The following ZPLD1 variants were observed in gnomAD, a reference collection of about 807,000 sequenced individuals.
ZPLD1 encodes the protein zona pellucida like domain containing 1, also known as zona pellucida-like domain-containing protein 1.
ZPLD1 carries 34 observed loss-of-function variants against 47.2 expected under a neutral mutation model. That is an observed-to-expected ratio of 0.72 (90% CI 0.55 to 0.96). ZPLD1 has a LOEUF of 0.96. ZPLD1 is among the 40% of genes least tolerant of loss of function. The probability of loss-of-function intolerance (pLI) is 0.00; values close to 1 mark genes in which losing one functional copy is unlikely to be tolerated. For synonymous variants in ZPLD1, 176 were observed against 186.2 expected, an observed-to-expected ratio of 0.95 and a Z score of 0.45; for missense variants, 512 against 505.8, an observed-to-expected ratio of 1.01 and a Z score of -0.12.
intron 3 of ZPLD1, among the ~76,000 whole-genome samples, chr3:102,438,852 G>A (rs1307819158): frequency 6.6e-6 from 1 of 151,866 alleles, no homozygotes; most frequent in African/African-American, 2.4e-5. Flanking sequence ...TAAAAAATTG[G>A]GAGAGACTAA....
chr3:102,457,628 T>C (rs1168235703), intron 5 of ZPLD1, among the ~76,000 whole-genome samples, 153 bp from the exon 6 acceptor site: 1 of 152,238 alleles, frequency 6.6e-6, no homozygotes, highest in Non-Finnish European at 1.5e-5. Flanking sequence ...TAGTATTTTA[T>C]CTGTTCAGAG....
chr3:102,433,947 GC>G (rs1707049945), upstream of ZPLD1, among the ~76,000 whole-genome samples: 1 of 152,024 alleles, frequency 6.6e-6, no homozygotes, highest in African/African-American at 2.4e-5. Flanking sequence ...CATATCTTAA[GC>G]ATACATTATT....
intron 2 of ZPLD1, among the ~76,000 whole-genome samples, chr3:102,437,193 A>G (rs1337606156): frequency 2.0e-5 from 3 of 152,218 alleles, no homozygotes; most frequent in Non-Finnish European, 4.4e-5. Context: ...AACTAGGCAT[A>G]TGGCTGTTCT....
At position 102,438,607 on chromosome 3, in the gene ZPLD1, T is replaced by G; in HGVS notation, c.106+14T>G. ...GTAGATTTCCTGGTAAGTGTAAGCCTAATCTATTCTCTAGTTGTTTCTGGA... is the reference window on the plus strand; with the variant it reads ...GTAGATTTCCTGGTAAGTGTAAGCCGAATCTATTCTCTAGTTGTTTCTGGA... On this transcript the variant is annotated intron_variant, in intron 3 of 11. Coordinates refer to ENST00000466937, the MANE Select transcript of ZPLD1 (RefSeq NM_001329788.2). 6.4e-7 allele frequency: 1 copy of G among 1,571,472 alleles called. No individual in the cohort carries two copies. Among genetic ancestry groups the G allele is most frequent in the Non-Finnish European group, 8.7e-7 (1 of 1,142,868 alleles).
intron 4 of ZPLD1, among the ~76,000 whole-genome samples, chr3:102,455,329 G>A (rs973699144): frequency 6.6e-6 from 1 of 152,158 alleles, no homozygotes; most frequent in Admixed American, 6.5e-5. Flanking sequence ...TTCCTAAAGT[G>A]GTGGATCTTA....
At chr3:102,405,490 C>T (rs1034786734) in intron 7 of ZPLD1, among the ~76,000 whole-genome samples, 4 of 151,908 alleles carry the variant, frequency 2.6e-5, no homozygotes, top group Admixed American at 6.6e-5. Context: ...TAACAGAAGG[C>T]TTGAGGTCAT....
Position 102,462,349 on chromosome 3 carries a change from A to C in ZPLD1, c.651A>C (p.Ala217=). The change falls in exon 7 of 12, where the codon GCA becomes GCC. Residue 217 remains alanine, a synonymous_variant. Coordinates refer to ENST00000466937, the MANE Select transcript of ZPLD1 (RefSeq NM_001329788.2). ...TACCTTTGAAAACCAAAGTATTTGC[A>C]GCTGTCCAAGCCACTAATTTGGATG... ...IGLPLKTKVF[A]AVQATNLDGR... The C allele has an allele frequency of 6.2e-7, 1 of 1,611,200 alleles. No individual in the cohort carries two copies. The highest frequency in any genetic ancestry group is 8.5e-7 in the Non-Finnish European group (1 of 1,178,656).
intron 8 of ZPLD1, among the ~76,000 whole-genome samples, chr3:102,426,776 A>G (rs529158798): frequency 2.0e-5 from 3 of 152,326 alleles, no homozygotes; most frequent in Admixed American, 2.0e-4. Context: ...AACTGGCTAA[A>G]ACTTTTGTGG....
At chr3:102,448,628 A>C (rs892716602) in intron 3 of ZPLD1, among the ~76,000 whole-genome samples, 3 of 152,238 alleles carry the variant, frequency 2.0e-5, no homozygotes, top group African/African-American at 7.2e-5. Flanking sequence ...GAAAGCCTTT[A>C]GTTTGTCATC....
chr3:102,421,428 C>T (rs892064179), intron 8 of ZPLD1, among the ~76,000 whole-genome samples: 1 of 151,716 alleles, frequency 6.6e-6, no homozygotes, highest in Non-Finnish European at 1.5e-5. Flanking sequence ...AAAAACTACT[C>T]ATCTTTTAGA....
At chr3:102,423,179 G>C (rs1436919220) in intron 8 of ZPLD1, among the ~76,000 whole-genome samples, 4 of 152,054 alleles carry the variant, frequency 2.6e-5, no homozygotes, top group Admixed American at 1.3e-4. Flanking sequence ...CTGATTAGCT[G>C]ACTCTTTCAG....
In ZPLD1 at chr3:102,445,176, G is replaced by A. The variant is rs74674776; in HGVS notation, c.106+6583G>A. ...TTTACAGAATGAGACAGAGATGGGG[G>A]TAAGAGAAGAGGCTGATCCTGTTCC... On this transcript the variant is annotated intron_variant, in intron 3 of 11. Coordinates refer to ENST00000466937, the MANE Select transcript of ZPLD1 (RefSeq NM_001329788.2). Among the ~76,000 whole-genome samples, 3 of 152,318 alleles carry A rather than the reference G, an allele frequency of 2.0e-5. No homozygotes were observed. The East Asian group carries it at 5.8e-4, about 29-fold the overall frequency.
intron 7 of ZPLD1, among the ~76,000 whole-genome samples, chr3:102,417,504 GCCCC>G (rs1411719586): frequency 6.6e-6 from 1 of 151,780 alleles, no homozygotes; most frequent in Admixed American, 6.6e-5. Flanking sequence ...GTGCTTGGAG[GCCCC>G]TAAACAAAAG....
At position 102,456,177 on chromosome 3, in the gene ZPLD1, T is replaced by C. The variant is rs768746933; in HGVS notation, c.328-16T>C. The C allele has an allele frequency of 2.5e-6, 4 of 1,604,292 alleles. No individual in the cohort carries two copies. Among genetic ancestry groups the C allele is most frequent in the African/African-American group, 1.3e-5 (1 of 74,568 alleles). On this transcript the variant is annotated splice_polypyrimidine_tract_variant and intron_variant, in intron 4 of 11. Transcript: ENST00000466937. ...ATAGCCATTTAATCATTAAACTGCA[T>C]CTAACATTCTAACAGGTATCCACAA...
chr3:102,433,623 G>A (rs969191612), upstream of ZPLD1, among the ~76,000 whole-genome samples: 5 of 152,296 alleles, frequency 3.3e-5, no homozygotes, highest in African/African-American at 1.2e-4. Flanking sequence ...CGCCTCCCGG[G>A]TTCAAGGCAT....
chr3:102,395,589 T>C (rs2107287604), intron 7 of ZPLD1, among the ~76,000 whole-genome samples: 1 of 152,308 alleles, frequency 6.6e-6, no homozygotes, highest in South Asian at 2.1e-4. Flanking sequence ...TTTAGCCCCA[T>C]AAGATCAATT....
At chr3:102,393,686 A>C (rs1193074154) in intron 7 of ZPLD1, among the ~76,000 whole-genome samples, 1 of 152,114 alleles carries the variant, frequency 6.6e-6, no homozygotes, top group Non-Finnish European at 1.5e-5. Flanking sequence ...CTTAGGTTTG[A>C]AAGCTAGTTT....
chr3:102,414,724 A>C (rs956250032), intron 7 of ZPLD1, among the ~76,000 whole-genome samples: 2 of 151,962 alleles, frequency 1.3e-5, no homozygotes, highest in Admixed American at 6.6e-5. Flanking sequence ...ACCATCGAGA[A>C]TGTATCAGTA....
At chr3:102,395,561 C>T (rs894282872) in intron 7 of ZPLD1, among the ~76,000 whole-genome samples, 2 of 152,216 alleles carry the variant, frequency 1.3e-5, no homozygotes, top group South Asian at 2.1e-4. Flanking sequence ...GGAATGCAGT[C>T]GTTGCTGACA....
Sources: gnomAD v4.1 joint callset for allele counts (sites outside exome capture counted in the v4.1 genomes callset) on GRCh38, gnomAD v4.1.1 for gene constraint, MANE v1.5 for transcripts, NCBI Gene and HGNC (gene_info 2026-07-23, HGNC 2026-07-21) for gene names.